The following CEP350 variants were observed in gnomAD, a reference collection of about 807,000 sequenced individuals.
The protein encoded by CEP350 is centrosome-associated protein 350.
A neutral mutation model predicts 331.8 loss-of-function variants in CEP350; 126 were observed. That is an observed-to-expected ratio of 0.38 (90% CI 0.33 to 0.44). The LOEUF is 0.44. CEP350 is among the 20% of genes least tolerant of loss of function. The pLI is 1.00. For synonymous variants in CEP350, 1,200 were observed against 1,259.5 expected, an observed-to-expected ratio of 0.95 and a Z score of 1.00; for missense variants, 3,406 against 3,634.6, an observed-to-expected ratio of 0.94 and a Z score of 1.62.
chr1:179,970,397 T>G (rs1651356274), intron 1 of CEP350, among the ~76,000 whole-genome samples: 1 of 152,234 alleles, frequency 6.6e-6, no homozygotes, highest in African/African-American at 2.4e-5. Flanking sequence ...GGAATTTACT[T>G]GGAACAGTGT....
intron 6 of CEP350, among the ~76,000 whole-genome samples, chr1:179,998,590 A>G: frequency 6.6e-6 from 1 of 151,892 alleles, no homozygotes; most frequent in East Asian, 1.9e-4. Flanking sequence ...ACAGGCGTGA[A>G]TCACCACACC....
At chr1:180,039,321 A>G (rs1656598810) in intron 17 of CEP350, among the ~76,000 whole-genome samples, 1 of 151,212 alleles carries the variant, frequency 6.6e-6, no homozygotes, top group Non-Finnish European at 1.5e-5. Context: ...GAGGGATAGG[A>G]GGGAACGGAA....
chr1:179,973,269 A>G (rs1176346915), intron 1 of CEP350, among the ~76,000 whole-genome samples: 1 of 152,254 alleles, frequency 6.6e-6, no homozygotes, highest in East Asian at 1.9e-4. Context: ...TAATCTATGT[A>G]CATCATTCCC....
chr1:179,967,694 A>G (rs1651120803), intron 1 of CEP350, among the ~76,000 whole-genome samples: 1 of 152,182 alleles, frequency 6.6e-6, no homozygotes, highest in Admixed American at 6.5e-5. Flanking sequence ...TACAGGTGTA[A>G]GCCACCGGGC....
chr1:180,006,591 C>T (rs61826330), intron 8 of CEP350, 24 bp downstream of exon 8: 2 of 1,139,890 alleles, frequency 1.8e-6, no homozygotes, highest in Non-Finnish European at 2.6e-6. Context: ...ACATGTCCAT[C>T]CTTTTTTTTT....
intron 1 of CEP350, chr1:179,969,150 T>C: frequency 1.6e-6 from 1 of 640,612 alleles, no homozygotes; most frequent in African/African-American, 1.8e-5. Flanking sequence ...TCAGTGGGTT[T>C]GATATGGTGG....
intron 27 of CEP350, among the ~76,000 whole-genome samples, chr1:180,070,377 C>A (rs536755899): frequency 6.6e-6 from 1 of 152,144 alleles, no homozygotes; most frequent in South Asian, 2.1e-4. Flanking sequence ...TATATCAGCT[C>A]GGTGGGCAAC....
chr1:180,038,969 T>A (rs866777071), intron 17 of CEP350, among the ~76,000 whole-genome samples: 9 of 152,270 alleles, frequency 5.9e-5, no homozygotes, highest in Middle Eastern at 3.4e-3. Flanking sequence ...ATCCCAGGAC[T>A]TTCTGGGAGG....
intron 8 of CEP350, among the ~76,000 whole-genome samples, chr1:180,007,070 A>T (rs984786292): frequency 6.6e-6 from 1 of 152,164 alleles, no homozygotes; most frequent in Non-Finnish European, 1.5e-5. Flanking sequence ...CAATAAACAT[A>T]TGTGTGCATG....
At chr1:180,096,701 G>C (rs1408571594) in intron 36 of CEP350, among the ~76,000 whole-genome samples, 6 of 152,164 alleles carry the variant, frequency 3.9e-5, no homozygotes, top group Non-Finnish European at 8.8e-5. Flanking sequence ...AATGTGATAC[G>C]TAAAAATATT....
intron 17 of CEP350, among the ~76,000 whole-genome samples, chr1:180,038,813 C>T (rs1242434696): frequency 6.6e-6 from 1 of 152,130 alleles, no homozygotes; most frequent in Non-Finnish European, 1.5e-5. Flanking sequence ...CAGGTCTTGG[C>T]TTATCTTTTC....
intron 19 of CEP350, among the ~76,000 whole-genome samples, chr1:180,042,100 T>C (rs1656796388): frequency 6.6e-6 from 1 of 150,656 alleles, no homozygotes; most frequent in Non-Finnish European, 1.5e-5. Context: ...AAAATGTACC[T>C]ATTTTAAGTA....
At chr1:180,034,731 A>G (rs1656241618) in intron 16 of CEP350, among the ~76,000 whole-genome samples, 1 of 152,096 alleles carries the variant, frequency 6.6e-6, no homozygotes, top group African/African-American at 2.4e-5. Flanking sequence ...TAGTGGATCA[A>G]TGTTGTGTGT....
chr1:180,083,580 AAT>A (rs1188222606), intron 30 of CEP350, among the ~76,000 whole-genome samples: 2 of 152,222 alleles, frequency 1.3e-5, no homozygotes, highest in African/African-American at 4.8e-5. Flanking sequence ...GTTTGATTTT[AAT>A]ATGACTTAAA....
At chr1:180,059,250 G>C (rs929477960) in intron 25 of CEP350, among the ~76,000 whole-genome samples, 1 of 152,156 alleles carries the variant, frequency 6.6e-6, no homozygotes, top group Non-Finnish European at 1.5e-5. Context: ...AGGTCTGGAA[G>C]GTCAAAACTA....
chr1:179,993,073 G>A (rs533381010), intron 5 of CEP350, among the ~76,000 whole-genome samples: 82 of 151,894 alleles, frequency 5.4e-4, no homozygotes, highest in African/African-American at 1.8e-3. Flanking sequence ...GAATTATCTC[G>A]GTGGAAATTT....
At chr1:179,976,232 A>AG (rs941170112) in intron 1 of CEP350, among the ~76,000 whole-genome samples, 10 of 33,562 alleles carry the variant, frequency 3.0e-4, no homozygotes, top group African/African-American at 5.0e-4. Flanking sequence ...TGTAAATCAG[A>AG]AAAAAAAATA....
chr1:180,042,180 C>T (rs1274238723), intron 19 of CEP350, among the ~76,000 whole-genome samples: 1 of 149,630 alleles, frequency 6.7e-6, no homozygotes, highest in African/African-American at 2.5e-5. Flanking sequence ...CTCCCTATAA[C>T]CATCACCACA....
At chr1:179,971,509 G>C (rs1386674988) in intron 1 of CEP350, among the ~76,000 whole-genome samples, 3 of 150,778 alleles carry the variant, frequency 2.0e-5, no homozygotes, top group Admixed American at 6.6e-5. Flanking sequence ...TTTTTTTTGT[G>C]GACACTGGGT....
Sources: gnomAD v4.1 joint callset for allele counts (sites outside exome capture counted in the v4.1 genomes callset) on GRCh38, gnomAD v4.1.1 for gene constraint, MANE v1.5 for transcripts, NCBI Gene and HGNC (gene_info 2026-07-23, HGNC 2026-07-21) for gene names.